The following XKR4 variants were observed in gnomAD, a reference collection of about 807,000 sequenced individuals.
The protein encoded by XKR4 is XK-related protein 4.
In XKR4, 12 loss-of-function variants were observed where a neutral mutation model predicts 53.9. That is an observed-to-expected ratio of 0.22 (90% CI 0.14 to 0.36). The LOEUF (loss-of-function observed/expected upper bound fraction) is 0.36, where lower values mean the gene tolerates loss of function less well. XKR4 is among the 10% of genes least tolerant of loss of function. XKR4 has a pLI of 1.00. For synonymous variants in XKR4, 354 were observed against 362.4 expected, an observed-to-expected ratio of 0.98 and a Z score of 0.26; for missense variants, 799 against 859.5, an observed-to-expected ratio of 0.93 and a Z score of 0.88.
chr8:55,493,556 G>A (rs550535877), intron 2 of XKR4, among the ~76,000 whole-genome samples: 3 of 152,352 alleles, frequency 2.0e-5, no homozygotes, highest in East Asian at 3.9e-4. Flanking sequence ...CAGTGGCTTA[G>A]GGAAGAGTAT....
chr8:55,217,111 G>T (rs57022615), intron 1 of XKR4, among the ~76,000 whole-genome samples: 1 of 150,974 alleles, frequency 6.6e-6, no homozygotes, highest in African/African-American at 2.4e-5. Flanking sequence ...GCGTGGTGGC[G>T]GGCACCTGTA....
intron 2 of XKR4, among the ~76,000 whole-genome samples, chr8:55,441,260 A>G (rs1805261841): frequency 6.6e-6 from 1 of 151,906 alleles, no homozygotes; most frequent in African/African-American, 2.4e-5. Context: ...ATAAAAAAAT[A>G]AAGTACAGCA....
chr8:55,537,830 C>T lies in XKR4; in HGVS notation c.*13603C>T, dbSNP rs1029820417. The T allele has an allele frequency of 1.3e-5, 2 of 152,178 alleles. No homozygotes were observed. The highest frequency in any genetic ancestry group is 6.5e-5 in the Admixed American group (1 of 15,278). The allele number at this position is 152,178 out of a possible 1,614,324, so 9.4% of individuals were successfully genotyped here. A position where few individuals can be genotyped will look rare whatever the true frequency, so the allele number is the denominator to read the frequency against. On this transcript the variant is annotated 3_prime_UTR_variant, in exon 3 of 3. Coordinates refer to ENST00000327381, the MANE Select transcript of XKR4 (RefSeq NM_052898.2). Reference sequence around the variant, plus strand: ...CGCAGATGTGTGTACCAGCCCAATTCAGTTTTGCTTTTCTTTTTCCCTAAG... The same window carrying T: ...CGCAGATGTGTGTACCAGCCCAATTTAGTTTTGCTTTTCTTTTTCCCTAAG...
intron 1 of XKR4, among the ~76,000 whole-genome samples, chr8:55,268,261 G>C (rs992900551): frequency 5.9e-5 from 9 of 152,160 alleles, no homozygotes; most frequent in African/African-American, 2.2e-4. Flanking sequence ...AGAAAGGGAA[G>C]TTTGCTATAT....
intron 1 of XKR4, among the ~76,000 whole-genome samples, chr8:55,344,098 A>G (rs1266813982): frequency 1.3e-5 from 2 of 152,124 alleles, no homozygotes; most frequent in Admixed American, 6.6e-5. Context: ...CCTCAGGGCC[A>G]CCAGAAACAC....
At chr8:55,421,525 A>ATCTC (rs71256537) in intron 2 of XKR4, among the ~76,000 whole-genome samples, 377 of 150,044 alleles carry the variant, frequency 2.5e-3, no homozygotes, top group Non-Finnish European at 3.6e-3. Context: ...GCACCTTGGC[A>ATCTC]TCTCTCTCTC....
At chr8:55,436,701 C>T (rs1228340372) in intron 2 of XKR4, among the ~76,000 whole-genome samples, 3 of 152,282 alleles carry the variant, frequency 2.0e-5, no homozygotes, top group Non-Finnish European at 4.4e-5. Context: ...AGGAGAGCCT[C>T]GCTGGCACCA....
At chr8:55,356,479 A>G (rs762559227) in intron 1 of XKR4, among the ~76,000 whole-genome samples, 11 of 152,242 alleles carry the variant, frequency 7.2e-5, no homozygotes, top group Non-Finnish European at 1.6e-4. Context: ...TAAGATACAT[A>G]TCAAATAATC....
At position 55,102,503 on chromosome 8, in the gene XKR4, A is replaced by C; in HGVS notation, c.15A>C (p.Ser5=). Residue 5 remains serine, a synonymous_variant, in exon 1 of 3, where the codon TCA becomes TCC. Transcript: ENST00000327381. This position sits in a 1 kb window ranked among gnomAD's most constrained non-coding sequence, Gnocchi z 5.1. MAAK[S]DGRLKMKKSS... ...GTGGAGGCATCATGGCCGCTAAATC[A>C]GACGGGAGGCTGAAAATGAAGAAAA... The C allele has an allele frequency of 1.9e-6, 3 of 1,548,364 alleles. No homozygotes were observed. The highest frequency in any genetic ancestry group is 2.6e-6 in the Non-Finnish European group (3 of 1,142,402).
rs150394754 is a variant in XKR4 at position 55,109,419 on chromosome 8, C to T, written c.806+6125C>T. Among the ~76,000 whole-genome samples the T allele has an allele frequency of 1.4e-3, 208 of 152,254 alleles. 4 individuals carry two copies. The South Asian group carries it at 0.017, about 12-fold the overall frequency. On this transcript the variant is annotated intron_variant, in intron 1 of 2. Transcript: ENST00000327381. ...TAATTGTGCCACTTTAAAATCTATT[C>T]GTTGGTTTATAGACTCAGTATCTTC...
chr8:55,222,531 C>G (rs552081853), intron 1 of XKR4, among the ~76,000 whole-genome samples: 1 of 152,352 alleles, frequency 6.6e-6, no homozygotes, highest in Admixed American at 6.5e-5. Flanking sequence ...TAAAGTAGAT[C>G]ATTACTATGA....
intron 1 of XKR4, among the ~76,000 whole-genome samples, chr8:55,272,230 C>G (rs1311864982): frequency 6.6e-6 from 1 of 152,126 alleles, no homozygotes; most frequent in African/African-American, 2.4e-5. Context: ...CCATTGCTAT[C>G]AGAGCAAGAA....
At chr8:55,183,945 C>A (rs1817344902) in intron 1 of XKR4, among the ~76,000 whole-genome samples, 3 of 152,232 alleles carry the variant, frequency 2.0e-5, no homozygotes, top group Non-Finnish European at 1.5e-5. Flanking sequence ...GGATGGCTAC[C>A]TTTCCCCTCC....
At chr8:55,258,082 G>GA (rs1818466560) in intron 1 of XKR4, among the ~76,000 whole-genome samples, 1 of 152,206 alleles carries the variant, frequency 6.6e-6, no homozygotes, top group South Asian at 2.1e-4. Context: ...TTATGTTACT[G>GA]AAAAAAACAG....
At chr8:55,486,466 G>T (rs909641127) in intron 2 of XKR4, among the ~76,000 whole-genome samples, 4 of 152,300 alleles carry the variant, frequency 2.6e-5, no homozygotes, top group Middle Eastern at 3.4e-3. Flanking sequence ...TGCAAAAATT[G>T]CATGAAACAA....
intron 1 of XKR4, among the ~76,000 whole-genome samples, chr8:55,263,245 A>C (rs1422425113): frequency 6.6e-6 from 1 of 152,102 alleles, no homozygotes; most frequent in Non-Finnish European, 1.5e-5. Context: ...CCATGTGGGG[A>C]GCATTAGTGT....
intron 2 of XKR4, among the ~76,000 whole-genome samples, chr8:55,426,731 C>T (rs982832319): frequency 8.5e-5 from 13 of 152,334 alleles, no homozygotes; most frequent in African/African-American, 2.6e-4. Context: ...GGAGGCAACT[C>T]AACCACCAGT....
chr8:55,441,686 A>G (rs564152203), intron 2 of XKR4, among the ~76,000 whole-genome samples: 4 of 152,334 alleles, frequency 2.6e-5, no homozygotes, highest in Admixed American at 6.5e-5. Flanking sequence ...GAAGTTATAA[A>G]TTAATTAAAA....
At chr8:55,157,714 C>T (rs1273060779) in intron 1 of XKR4, among the ~76,000 whole-genome samples, 3 of 152,144 alleles carry the variant, frequency 2.0e-5, no homozygotes, top group Non-Finnish European at 4.4e-5. Context: ...CTGTTGTTGC[C>T]TTCCTTGTGT....
Sources: gnomAD v4.1 joint callset for allele counts (sites outside exome capture counted in the v4.1 genomes callset) on GRCh38, gnomAD v4.1.1 for gene constraint, Gnocchi (gnomAD v3.1) non-coding constraint, MANE v1.5 for transcripts, NCBI Gene and HGNC (gene_info 2026-07-23, HGNC 2026-07-21) for gene names.